The following CLHC1 variants were observed in gnomAD, a reference collection of about 807,000 sequenced individuals.
The protein encoded by CLHC1 is clathrin heavy chain linker domain containing 1.
Under a neutral mutation model 69.5 loss-of-function variants are expected in CLHC1, and 72 were observed. That is an observed-to-expected ratio of 1.04 (90% CI 0.86 to 1.26). The LOEUF is 1.26. Ranked by LOEUF, CLHC1 falls within the 50% of genes most tolerant of loss-of-function variation. The pLI is 0.00. For synonymous variants in CLHC1, 223 were observed against 224.3 expected (o/e 0.99, Z 0.05); for missense variants, 790 against 679.3 (o/e 1.16, Z -1.81).
At chr2:55,231,886 A>T (rs1254740608) in intron 1 of CLHC1, 2 of 152,214 alleles carry the variant, frequency 1.3e-5, no homozygotes, top group African/African-American at 4.8e-5. Flanking sequence ...AGCGTGTCAC[A>T]CTAAGGAGTG....
chr2:55,181,946 GAGATTGGA>G (rs1254473846), intron 9 of CLHC1, among the ~76,000 whole-genome samples: 1 of 152,062 alleles, frequency 6.6e-6, no homozygotes, highest in Non-Finnish European at 1.5e-5. Flanking sequence ...GATGGAGGCA[GAGATTGGA>G]ATGATCTGCT....
chr2:55,184,539 C>T (rs1212342257), intron 9 of CLHC1, among the ~76,000 whole-genome samples: 1 of 152,136 alleles, frequency 6.6e-6, no homozygotes, highest in Non-Finnish European at 1.5e-5. Context: ...CATTTTATAA[C>T]ATTCTATCTT....
chr2:55,186,753 TGACAGAGTGA>T (rs2103739015), intron 9 of CLHC1, among the ~76,000 whole-genome samples: 1 of 152,242 alleles, frequency 6.6e-6, no homozygotes, highest in African/African-American at 2.4e-5. Context: ...CCCACCTGGA[TGACAGAGTGA>T]GACCCTGTCT....
intron 9 of CLHC1, among the ~76,000 whole-genome samples, chr2:55,191,779 A>C (rs1455982693): frequency 6.6e-6 from 1 of 152,074 alleles, no homozygotes; most frequent in Non-Finnish European, 1.5e-5. Context: ...AAGAAGCCAG[A>C]AAAAGTAGAA....
intron 10 of CLHC1, 25 bp downstream of exon 10, chr2:55,181,545 A>C (rs762907757): frequency 1.2e-5 from 19 of 1,533,386 alleles, no homozygotes; most frequent in Non-Finnish European, 1.7e-5. Context: ...TGTCAAAATT[A>C]AGTTAAAAGC....
At chr2:55,216,585 G>A (rs577808443) in intron 4 of CLHC1, among the ~76,000 whole-genome samples, 1 of 151,948 alleles carries the variant, frequency 6.6e-6, no homozygotes, top group South Asian at 2.1e-4. Flanking sequence ...ACCCAGGCTG[G>A]AGTGCAGTGG....
intron 1 of CLHC1, chr2:55,231,856 G>C (rs576588766): frequency 6.6e-6 from 1 of 152,242 alleles, no homozygotes; most frequent in Admixed American, 6.5e-5. Context: ...GAAAACTCCT[G>C]AGATTTTTCA....
intron 10 of CLHC1, 120 bp from the exon 11 acceptor site, chr2:55,180,832 G>C (rs1445851752): frequency 2.9e-6 from 2 of 694,070 alleles, no homozygotes; most frequent in Non-Finnish European, 2.4e-6. Context: ...AGAATTCCAA[G>C]TTACAATTTA....
chr2:55,187,439 C>T (rs751416437), intron 9 of CLHC1, among the ~76,000 whole-genome samples: 31 of 151,826 alleles, frequency 2.0e-4, no homozygotes, highest in Non-Finnish European at 3.5e-4. Flanking sequence ...ATGGCAAAAC[C>T]CCATCTCTAC....
At chr2:55,182,620 G>A (rs147682479) in intron 9 of CLHC1, among the ~76,000 whole-genome samples, 8 of 152,156 alleles carry the variant, frequency 5.3e-5, no homozygotes, top group Non-Finnish European at 1.0e-4. Flanking sequence ...TACTGGATAT[G>A]GATGTCTTGG....
chr2:55,206,085 C>T (rs1672414484), intron 9 of CLHC1, among the ~76,000 whole-genome samples, 185 bp downstream of exon 9: 1 of 152,096 alleles, frequency 6.6e-6, no homozygotes, highest in Admixed American at 6.6e-5. Context: ...TACTTAAAAT[C>T]GTTCATAATG....
chr2:55,226,588 A>G (rs898913890), intron 2 of CLHC1, among the ~76,000 whole-genome samples: 1 of 152,170 alleles, frequency 6.6e-6, no homozygotes, highest in African/African-American at 2.4e-5. Flanking sequence ...AGTATTTCAT[A>G]GTATGATGTT....
intron 4 of CLHC1, among the ~76,000 whole-genome samples, chr2:55,217,523 C>CAAAAAAAAAA (rs1162910086): frequency 2.0e-4 from 4 of 20,344 alleles, no homozygotes; most frequent in Non-Finnish European, 1.8e-4. Context: ...AACCCTGTCT[C>CAAAAAAAAAA]AAAAAAAAAA....
Position 55,196,194 on chromosome 2 carries a change from G to A in CLHC1, c.1006+10076C>T, listed in dbSNP as rs186664310. 3.9e-5 allele frequency among the ~76,000 whole-genome samples: 6 copies of A among 152,298 alleles called. No homozygotes were observed. In the East Asian group the frequency reaches 1.2e-3, roughly 29 times the overall value. Reference sequence around the variant, plus strand: ...CCCAGCAGGTTGGAATTTGAGTTCTGGCAAGCCTCACCACCACAGGCTCAA... The same window carrying A: ...CCCAGCAGGTTGGAATTTGAGTTCTAGCAAGCCTCACCACCACAGGCTCAA... On this transcript the variant is annotated intron_variant, in intron 9 of 12. Transcript: ENST00000401408.
chr2:55,210,757 T>C (rs1407635787), intron 5 of CLHC1, among the ~76,000 whole-genome samples: 1 of 152,178 alleles, frequency 6.6e-6, no homozygotes, highest in Non-Finnish European at 1.5e-5. Context: ...ACACAAAATA[T>C]AAATGCCTGC....
chr2:55,220,228 C>A (rs1016696945), intron 3 of CLHC1, among the ~76,000 whole-genome samples: 1 of 152,168 alleles, frequency 6.6e-6, no homozygotes, highest in African/African-American at 2.4e-5. Flanking sequence ...GGTATTTGTT[C>A]CCTAGTTCCA....
chr2:55,189,661 G>A (rs1431965081), intron 9 of CLHC1, among the ~76,000 whole-genome samples: 1 of 152,220 alleles, frequency 6.6e-6, no homozygotes, highest in Non-Finnish European at 1.5e-5. Context: ...CAGAGTACCA[G>A]AAGAAAGAGA....
chr2:55,213,272 C>G (rs563652399), intron 4 of CLHC1, among the ~76,000 whole-genome samples: 5 of 152,254 alleles, frequency 3.3e-5, no homozygotes, highest in African/African-American at 1.2e-4. Flanking sequence ...CCTTCAGAAT[C>G]TGTTCCTTGC....
At chr2:55,179,141 T>C (rs1018962433) in intron 11 of CLHC1, among the ~76,000 whole-genome samples, 1 of 152,068 alleles carries the variant, frequency 6.6e-6, no homozygotes, top group Non-Finnish European at 1.5e-5. Flanking sequence ...CATTAACTAA[T>C]ATAATTCTTA....
Sources: allele counts gnomAD v4.1 joint callset (sites outside exome capture counted in the v4.1 genomes callset), GRCh38; gene constraint gnomAD v4.1.1; transcripts MANE v1.5; gene names NCBI Gene and HGNC (gene_info 2026-07-23, HGNC 2026-07-21).